MOXD1: variants seen among roughly 807,000 people sequenced by gnomAD.
MOXD1 encodes DBH-like monooxygenase protein 1.
In MOXD1, 62 loss-of-function variants were observed where a neutral mutation model predicts 66.6. That is an observed-to-expected ratio of 0.93 (90% confidence interval 0.76 to 1.15). The LOEUF (loss-of-function observed/expected upper bound fraction) is 1.15, where lower values mean the gene tolerates loss of function less well. Among genes scored for constraint, MOXD1 ranks in the 50% most tolerant of loss-of-function variants. The probability of loss-of-function intolerance (pLI) is 0.00; values close to 1 mark genes in which losing one functional copy is unlikely to be tolerated. For missense variants in MOXD1, 847 were observed against 754.6 expected, an observed-to-expected ratio of 1.12 and a Z score of -1.44; for synonymous variants, 303 against 281.9, an observed-to-expected ratio of 1.07 and a Z score of -0.75.
In MOXD1 at chr6:132,323,938, A is replaced by G. The variant is rs200855350; in HGVS notation, c.1106T>C (p.Leu369Pro). ...GACTCAGATGCTGCATACCTCTTCC[A>G]GGCACTCCAAAGTGCAGTGACCCTC... ...QSEGHCTLECLEEALEAEKPS... is the reference protein window; with the variant it reads ...QSEGHCTLECPEEALEAEKPS... The change falls in exon 7 of 12, where the codon CTG (leucine) becomes CCG (proline). Residue 369 changes from leucine to proline, a missense_variant. Transcript: ENST00000367963. 3.5e-5 allele frequency: 57 copies of G among 1,607,142 alleles called. No individual in the cohort carries two copies. Among genetic ancestry groups the G allele is most frequent in the Non-Finnish European group, 5.9e-6 (7 of 1,177,816 alleles).
At chr6:132,324,430 T>G (rs1775145151) in intron 6 of MOXD1, among the ~76,000 whole-genome samples, 1 of 152,238 alleles carries the variant, frequency 6.6e-6, no homozygotes, top group African/African-American at 2.4e-5. Flanking sequence ...CTAAAGTCAT[T>G]CATTAGAATA....
chr6:132,305,394 G>T (rs1258531360), intron 10 of MOXD1, among the ~76,000 whole-genome samples: 3 of 152,238 alleles, frequency 2.0e-5, no homozygotes, highest in Non-Finnish European at 4.4e-5. Flanking sequence ...AAGGGGAGGG[G>T]TGGCTGCAGC....
intron 1 of MOXD1, among the ~76,000 whole-genome samples, chr6:132,389,467 T>A (rs1286566953): frequency 6.6e-6 from 1 of 151,282 alleles, no homozygotes; most frequent in Non-Finnish European, 1.5e-5. Context: ...CCTAACCATA[T>A]AAGGTCAGTA....
intron 4 of MOXD1, among the ~76,000 whole-genome samples, chr6:132,360,415 GTTC>G (rs1415672681): frequency 2.0e-5 from 3 of 152,122 alleles, no homozygotes; most frequent in Non-Finnish European, 4.4e-5. Context: ...ATAAATGTTG[GTTC>G]TTATCATCTA....
intron 10 of MOXD1, among the ~76,000 whole-genome samples, chr6:132,300,205 C>T (rs749288121): frequency 5.3e-5 from 8 of 151,996 alleles, no homozygotes; most frequent in Non-Finnish European, 1.2e-4. Flanking sequence ...ATCAGCATTG[C>T]ATTACATAAA....
intron 1 of MOXD1, among the ~76,000 whole-genome samples, chr6:132,388,540 T>G (rs2114689761): frequency 6.6e-6 from 1 of 151,536 alleles, no homozygotes; most frequent in East Asian, 1.9e-4. Context: ...ATACTAATTA[T>G]CCACCACTGC....
intron 1 of MOXD1, among the ~76,000 whole-genome samples, chr6:132,388,412 C>T (rs1776693085): frequency 6.6e-6 from 1 of 151,416 alleles, no homozygotes; most frequent in South Asian, 2.1e-4. Context: ...CTTTACCGCT[C>T]AGCAGATATT....
intron 4 of MOXD1, among the ~76,000 whole-genome samples, chr6:132,358,386 T>A (rs1775948674): frequency 6.6e-6 from 1 of 152,234 alleles, no homozygotes; most frequent in African/African-American, 2.4e-5. Context: ...CCACTCTATG[T>A]TTACCACATC....
intron 10 of MOXD1, among the ~76,000 whole-genome samples, chr6:132,301,272 G>A (rs1320969560): frequency 6.6e-6 from 1 of 151,148 alleles, no homozygotes; most frequent in Non-Finnish European, 1.5e-5. Flanking sequence ...TAATATTGAT[G>A]GGTAATTTTC....
intron 9 of MOXD1, among the ~76,000 whole-genome samples, chr6:132,317,767 G>A (rs761577122): frequency 5.9e-5 from 9 of 152,046 alleles, no homozygotes; most frequent in African/African-American, 1.9e-4. Flanking sequence ...CCAGTACATT[G>A]ACTACTCCAT....
rs1562281803 is a variant in MOXD1, at chr6:132,322,777, GA to G, written c.1206del (p.Arg403GlufsTer6). 1.3e-5 allele frequency: 21 copies of G among 1,613,918 alleles called. No homozygotes were observed. Among genetic ancestry groups the G allele is most frequent in the Non-Finnish European group, 1.8e-5 (21 of 1,179,962 alleles). On this transcript the variant is annotated frameshift_variant, in exon 8 of 12. Coordinates refer to ENST00000367963, the MANE Select transcript of MOXD1 (RefSeq NM_015529.4). LOFTEE classifies it high-confidence loss of function. ...AGTAATTTCATTTCCTTCCCTTTTC[GA>G]AAATGACGCAGCCTGATGCCTCTGC... ...LAGRGIRLRH[F>X]RKGKEMKLLA...
intron 4 of MOXD1, among the ~76,000 whole-genome samples, chr6:132,341,593 T>A (rs750348450): frequency 4.6e-5 from 7 of 152,210 alleles, no homozygotes; most frequent in Non-Finnish European, 1.0e-4. Context: ...TTTTCTGACA[T>A]TCAGGGCTCA....
intron 1 of MOXD1, among the ~76,000 whole-genome samples, chr6:132,399,629 T>C (rs910368793): frequency 1.3e-5 from 2 of 152,208 alleles, no homozygotes; most frequent in Non-Finnish European, 2.9e-5. Context: ...GAAATGCTAC[T>C]CTTTGAGGGA....
intron 10 of MOXD1, among the ~76,000 whole-genome samples, chr6:132,313,147 G>A (rs186277177): frequency 5.9e-4 from 89 of 152,074 alleles, no homozygotes; most frequent in African/African-American, 1.9e-3. Flanking sequence ...CATGTTGTAT[G>A]GGGAGAAAGA....
At chr6:132,298,470 G>C (rs1416320261) in intron 10 of MOXD1, among the ~76,000 whole-genome samples, 1 of 152,092 alleles carries the variant, frequency 6.6e-6, no homozygotes, top group Non-Finnish European at 1.5e-5. Flanking sequence ...AAACCTGCAG[G>C]TTCCTAAAAG....
intron 4 of MOXD1, among the ~76,000 whole-genome samples, chr6:132,334,262 A>G (rs1775390885): frequency 6.6e-6 from 1 of 152,216 alleles, no homozygotes; most frequent in African/African-American, 2.4e-5. Flanking sequence ...GATTATCTCC[A>G]CTATACTGCA....
Position 132,401,262 on chromosome 6 carries a change from G to A in MOXD1, c.165C>T (p.Arg55=). 1.3e-6 allele frequency: 2 copies of A among 1,596,662 alleles called. No homozygotes were observed. Among genetic ancestry groups the A allele is most frequent in the Non-Finnish European group, 8.5e-7 (1 of 1,177,300 alleles). Reference sequence around the variant, plus strand: ...AGCCGAAGCCCACGTAGCCTGCAGTGCGCACCTGGAGGCGGAAGGCGATCT... The same window carrying A: ...AGCCGAAGCCCACGTAGCCTGCAGTACGCACCTGGAGGCGGAAGGCGATCT... ...GSQIAFRLQV[R]TAGYVGFGFS... Residue 55 remains arginine (R), a synonymous_variant, in exon 1 of 12, where the codon CGC becomes CGT. Coordinates refer to ENST00000367963, the MANE Select transcript of MOXD1 (RefSeq NM_015529.4).
At position 132,401,422 on chromosome 6, in the gene MOXD1, C is replaced by G; in HGVS notation, c.5G>C (p.Cys2Ser). The change falls in exon 1 of 12, where the codon TGC (cysteine) becomes TCC (serine). Residue 2 changes from cysteine (C) to serine (S), a missense_variant. Transcript: ENST00000367963. M[C>S]CWPLLLLWGL... The stretch of plus-strand genomic sequence containing the variant: ...CCACAGCAGGAGCAGCGGCCAGCAG[C>G]ACATCCTCGGGCGCCTCCTGCCCGC... The G allele has an allele frequency of 6.7e-7, 1 of 1,492,758 alleles. No individual in the cohort carries two copies. Among genetic ancestry groups the G allele is most frequent in the Non-Finnish European group, 8.9e-7 (1 of 1,126,834 alleles). The allele number at this position is 1,492,758 out of a possible 1,614,324, so 92.5% of individuals were successfully genotyped here. A position where few individuals can be genotyped will look rare whatever the true frequency, so the allele number is the denominator to read the frequency against.
At chr6:132,298,138 A>G (rs189884944) in intron 10 of MOXD1, among the ~76,000 whole-genome samples, 183 bp from the exon 11 acceptor site, 13 of 152,306 alleles carry the variant, frequency 8.5e-5, no homozygotes, top group African/African-American at 2.6e-4. Context: ...AGATTTTTAA[A>G]GAATGATATT....
Sources: gnomAD v4.1 joint callset for allele counts (sites outside exome capture counted in the v4.1 genomes callset) on GRCh38, gnomAD v4.1.1 for gene constraint, MANE v1.5 for transcripts, NCBI Gene and HGNC (gene_info 2026-07-23, HGNC 2026-07-21) for gene names.